Variants in KIF26B observed in about 807,000 individuals in gnomAD.
KIF26B encodes kinesin-like protein KIF26B.
In KIF26B, 63 loss-of-function variants were observed where a neutral mutation model predicts 151.2. That is an observed-to-expected ratio of 0.42 (90% confidence interval 0.34 to 0.51). The LOEUF is 0.51. Among genes scored for constraint, KIF26B ranks in the 20% least tolerant of loss-of-function variants. The probability of loss-of-function intolerance (pLI) is 0.07; values close to 1 mark genes in which losing one functional copy is unlikely to be tolerated. For missense variants in KIF26B, 2,813 were observed against 2,913.6 expected (o/e 0.97, Z 0.79); for synonymous variants, 1,357 against 1,262.1 (o/e 1.08, Z -1.59).
rs1660492601 is a variant in KIF26B, at chr1:245,495,439, A to C, written c.1167-45328A>C. On this transcript the variant is annotated intron_variant, in intron 4 of 14. Transcript: ENST00000407071. This position sits in a 1 kb window ranked among gnomAD's most constrained non-coding sequence, Gnocchi z 4.2. The stretch of plus-strand genomic sequence containing the variant: ...GTGTACAATGTGTACTGATCAAATC[A>C]TGGTAATCAGCATATCTATCAACTC... Among the ~76,000 whole-genome samples the C allele has an allele frequency of 6.6e-6, 1 of 152,252 alleles. No homozygotes were observed. The highest frequency in any genetic ancestry group is 1.5e-5 in the Non-Finnish European group (1 of 68,044).
Position 245,506,955 on chromosome 1 carries a change from C to T in KIF26B, c.1167-33812C>T, listed in dbSNP as rs535491649. Among the ~76,000 whole-genome samples the T allele has an allele frequency of 9.8e-5, 15 of 152,340 alleles. 1 individual carries two copies. The South Asian group carries it at 2.9e-3, about 29-fold the overall frequency. On this transcript the variant is annotated intron_variant, in intron 4 of 14. Coordinates refer to ENST00000407071, the MANE Select transcript of KIF26B (RefSeq NM_018012.4). ...TCGGCCTCCCAAGGTGCTGGGATTA[C>T]AGGCGTGAGCCACGGTGCCCAGCCT...
intron 3 of KIF26B, among the ~76,000 whole-genome samples, chr1:245,393,381 CAG>C (rs1248290530): frequency 1.3e-5 from 2 of 152,268 alleles, no homozygotes; most frequent in African/African-American, 4.8e-5. Context: ...ATTGATCTCT[CAG>C]AATGTTTGAT....
chr1:245,466,693 A>G (rs1002258424), intron 4 of KIF26B, among the ~76,000 whole-genome samples: 3 of 152,322 alleles, frequency 2.0e-5, no homozygotes, highest in African/African-American at 7.2e-5. Flanking sequence ...TAGGAGGCCA[A>G]AGCAGGTGGA....
chr1:245,430,436 G>A (rs1395460976), intron 4 of KIF26B, among the ~76,000 whole-genome samples: 1 of 152,092 alleles, frequency 6.6e-6, no homozygotes, highest in Non-Finnish European at 1.5e-5. Flanking sequence ...AGGCTGAGGT[G>A]GGAGGACAGC....
At chr1:245,538,676 T>C (rs189376845) in intron 4 of KIF26B, among the ~76,000 whole-genome samples, 2 of 152,244 alleles carry the variant, frequency 1.3e-5, no homozygotes, top group East Asian at 1.9e-4. Context: ...GTGGGAACCA[T>C]AGCCATTGCC....
intron 10 of KIF26B, among the ~76,000 whole-genome samples, chr1:245,661,935 C>A (rs2044147316): frequency 7.6e-6 from 1 of 130,766 alleles, no homozygotes; most frequent in Non-Finnish European, 1.6e-5. Context: ...ATATATACAC[C>A]CAATGATGTA....
chr1:245,561,908 C>G (rs369616216), intron 5 of KIF26B, among the ~76,000 whole-genome samples: 11 of 152,314 alleles, frequency 7.2e-5, no homozygotes, highest in African/African-American at 2.4e-4. Flanking sequence ...GGTCCTGCCT[C>G]TTCTCAGTCT....
rs1053731591 is a variant in KIF26B at position 245,347,594 on chromosome 1, G to A, written c.466-19240G>A. Among the ~76,000 whole-genome samples, 6 of 152,168 alleles carry A rather than the reference G, an allele frequency of 3.9e-5. 1 individual carries two copies. In the South Asian group the frequency reaches 6.2e-4, roughly 16 times the overall value. On this transcript the variant is annotated intron_variant, in intron 2 of 14. Transcript: ENST00000407071. ...GTCTCCCCCTAAACGGATAGCAGGC[G>A]TGAGCCACTGCACTTGGCCTGTTCC...
intron 2 of KIF26B, among the ~76,000 whole-genome samples, chr1:245,255,387 C>T (rs1445607707): frequency 6.6e-6 from 1 of 152,218 alleles, no homozygotes; most frequent in Non-Finnish European, 1.5e-5. Flanking sequence ...GAGGAGAAGT[C>T]TCTGAACATT....
intron 4 of KIF26B, among the ~76,000 whole-genome samples, chr1:245,458,621 T>G (rs1466839523): frequency 1.3e-5 from 2 of 152,172 alleles, no homozygotes; most frequent in African/African-American, 4.8e-5. Flanking sequence ...AAAGGTCAAA[T>G]AAAATTTTTT....
intron 10 of KIF26B, among the ~76,000 whole-genome samples, chr1:245,678,444 G>A (rs942987749): frequency 3.9e-5 from 6 of 152,280 alleles, no homozygotes; most frequent in African/African-American, 7.2e-5. Context: ...TTAAGAGTGC[G>A]AGTGGTACCA....
chr1:245,328,272 A>G (rs1672034560), intron 2 of KIF26B, among the ~76,000 whole-genome samples: 1 of 152,018 alleles, frequency 6.6e-6, no homozygotes, highest in Non-Finnish European at 1.5e-5. Context: ...CCCAGGCCTA[A>G]CATTTGTAAA....
At chr1:245,461,542 T>C (rs1572073239) in intron 4 of KIF26B, among the ~76,000 whole-genome samples, 1 of 152,268 alleles carries the variant, frequency 6.6e-6, no homozygotes, top group East Asian at 1.9e-4. Flanking sequence ...GGGTCGTTTG[T>C]TGAGAGAAAC....
At chr1:245,181,578 T>C (rs937898087) in intron 2 of KIF26B, among the ~76,000 whole-genome samples, 1 of 150,562 alleles carries the variant, frequency 6.6e-6, no homozygotes, top group Non-Finnish European at 1.5e-5. Flanking sequence ...AAAATAAACA[T>C]GGCTACAGCT....
At chr1:245,493,831 A>G (rs76679516) in intron 4 of KIF26B, among the ~76,000 whole-genome samples, 2,417 of 152,316 alleles carry the variant, frequency 0.016, 66 homozygotes, top group African/African-American at 0.054. Flanking sequence ...AGACCTGCCA[A>G]GGCGGACAAG....
chr1:245,356,838 A>C (rs1672711561), intron 2 of KIF26B, among the ~76,000 whole-genome samples: 2 of 152,184 alleles, frequency 1.3e-5, no homozygotes, highest in Admixed American at 6.5e-5. Flanking sequence ...TAAAGCAGAG[A>C]AAGGTGGTTA....
At chr1:245,377,162 G>A (rs1345504209) in intron 3 of KIF26B, among the ~76,000 whole-genome samples, 5 of 152,160 alleles carry the variant, frequency 3.3e-5, no homozygotes, top group East Asian at 1.9e-4. Context: ...TGACCCACCC[G>A]CCTCAGCCTC....
At chr1:245,198,787 C>T (rs539207130) in intron 2 of KIF26B, among the ~76,000 whole-genome samples, 1 of 150,856 alleles carries the variant, frequency 6.6e-6, no homozygotes, top group South Asian at 2.1e-4. Flanking sequence ...AGGGTGTGGG[C>T]AGACATTTAA....
At position 245,421,322 on chromosome 1, in the gene KIF26B, C is replaced by T. The variant is rs901228364; in HGVS notation, c.1166+1577C>T. ...TGGAGAAGAGAAGGACTCTGGGGTA[C>T]ATCATGGATGCCCTCAGCTATCTCT... On this transcript the variant is annotated intron_variant, in intron 4 of 14. Transcript: ENST00000407071. Among the ~76,000 whole-genome samples, 10 of 152,308 alleles carry T rather than the reference C, an allele frequency of 6.6e-5. No individual in the cohort carries two copies. The East Asian group carries it at 7.7e-4, about 12-fold the overall frequency.
Sources: gnomAD v4.1 joint callset for allele counts (sites outside exome capture counted in the v4.1 genomes callset) on GRCh38, gnomAD v4.1.1 for gene constraint, Gnocchi (gnomAD v3.1) non-coding constraint, MANE v1.5 for transcripts, NCBI Gene and HGNC (gene_info 2026-07-23, HGNC 2026-07-21) for gene names.